Variants in GRM7 observed in about 807,000 individuals in gnomAD.
GRM7 encodes metabotropic glutamate receptor 7.
Under a neutral mutation model 84.5 loss-of-function variants are expected in GRM7, and 35 were observed. The ratio of observed to expected loss-of-function variants is 0.41; its 90% confidence interval spans 0.32 to 0.55. The LOEUF (loss-of-function observed/expected upper bound fraction) is 0.55. GRM7 is among the 20% of genes least tolerant of loss of function. The pLI is 0.19. For synonymous variants in GRM7, 487 were observed against 455.1 expected (o/e 1.07, Z -0.89); for missense variants, 1,003 against 1,194.6 (o/e 0.84, Z 2.36).
intron 8 of GRM7, among the ~76,000 whole-genome samples, chr3:7,597,403 C>T (rs975597573): frequency 3.3e-5 from 5 of 152,088 alleles, no homozygotes; most frequent in African/African-American, 1.2e-4. Context: ...TGGGAGGAGA[C>T]AAATATCCAA....
intron 2 of GRM7, among the ~76,000 whole-genome samples, chr3:7,174,686 G>A (rs1475842593): frequency 1.3e-5 from 2 of 152,174 alleles, no homozygotes; most frequent in Non-Finnish European, 2.9e-5. Context: ...TGGCAAATAG[G>A]AGAGGAGATA....
At position 7,217,810 on chromosome 3, in the gene GRM7, G is replaced by T. The variant is rs1006693634; in HGVS notation, c.736+71142G>T. Reference sequence around the variant, plus strand: ...ATATTGACATAGGGATATGGATATAGATATAGATGTATAGATGTGTGTATA... The same window carrying T: ...ATATTGACATAGGGATATGGATATATATATAGATGTATAGATGTGTGTATA... On this transcript the variant is annotated intron_variant, in intron 2 of 9. Transcript: ENST00000357716. Among the ~76,000 whole-genome samples the T allele has an allele frequency of 5.3e-5, 8 of 151,048 alleles. No individual in the cohort carries two copies. In the East Asian group the frequency reaches 9.7e-4, roughly 18 times the overall value.
intron 4 of GRM7, among the ~76,000 whole-genome samples, chr3:7,321,099 C>T (rs17031855): frequency 1.3e-5 from 2 of 151,794 alleles, no homozygotes; most frequent in Middle Eastern, 3.4e-3. Flanking sequence ...TACAGACATA[C>T]AGTAAAGTCA....
intron 1 of GRM7, among the ~76,000 whole-genome samples, chr3:7,000,957 G>C (rs756520267): frequency 6.6e-6 from 1 of 152,144 alleles, no homozygotes; most frequent in South Asian, 2.1e-4. Flanking sequence ...AACAGGAAAC[G>C]AAGATTGGAA....
chr3:7,208,030 A>T (rs997496859), intron 2 of GRM7, among the ~76,000 whole-genome samples: 1 of 152,192 alleles, frequency 6.6e-6, no homozygotes, highest in Admixed American at 6.5e-5. Flanking sequence ...CTGCCTTAAG[A>T]TTGAATGTGG....
chr3:7,679,183 C>A (rs535005638), intron 8 of GRM7, among the ~76,000 whole-genome samples: 1 of 151,940 alleles, frequency 6.6e-6, no homozygotes, highest in Non-Finnish European at 1.5e-5. Flanking sequence ...ACGTTCCATA[C>A]GTAGGAAAAC....
chr3:7,173,275 TC>T (rs1283854527), intron 2 of GRM7, among the ~76,000 whole-genome samples: 1 of 152,168 alleles, frequency 6.6e-6, no homozygotes, highest in East Asian at 1.9e-4. Flanking sequence ...CTACTTACAA[TC>T]CTGAATTTCA....
intron 7 of GRM7, among the ~76,000 whole-genome samples, chr3:7,492,609 T>C (rs13067657): frequency 1.3e-5 from 2 of 152,166 alleles, no homozygotes; most frequent in Non-Finnish European, 2.9e-5. Context: ...ATGAGTTTTG[T>C]GATAATTCTA....
At chr3:6,913,780 C>A (rs1313161099) in intron 1 of GRM7, among the ~76,000 whole-genome samples, 2 of 152,120 alleles carry the variant, frequency 1.3e-5, no homozygotes, top group South Asian at 4.1e-4. Context: ...CCACCTAACC[C>A]TACTTCTGAT....
chr3:7,660,052 T>C (rs1230770717), intron 8 of GRM7, among the ~76,000 whole-genome samples: 1 of 152,228 alleles, frequency 6.6e-6, no homozygotes, highest in Non-Finnish European at 1.5e-5. Context: ...AATAGGTAGA[T>C]AAAATATAGG....
intron 8 of GRM7, among the ~76,000 whole-genome samples, chr3:7,598,814 A>C (rs1272299149): frequency 6.6e-6 from 1 of 152,186 alleles, no homozygotes; most frequent in Non-Finnish European, 1.5e-5. Context: ...TAGTGAAATA[A>C]TCAGTAATTG....
chr3:7,578,491 C>A lies in GRM7; in HGVS notation c.1585C>A (p.Pro529Thr). 1 of 1,613,804 alleles carries A rather than the reference C, an allele frequency of 6.2e-7. No homozygotes were observed. The change falls in exon 8 of 10, where the codon CCA becomes ACA. Residue 529 changes from proline (P) to threonine (T), a missense_variant. Pro to Thr is a conservative substitution (Grantham distance 38, BLOSUM62 -1). Coordinates refer to ENST00000357716, the MANE Select transcript of GRM7 (RefSeq NM_000844.4). Reference protein sequence around the residue: ...PASVCTLPCKPGQRKKTQKGT... With the variant: ...PASVCTLPCKTGQRKKTQKGT... Reference sequence around the variant, plus strand: ...CTCAGTGTGCACACTACCATGTAAGCCAGGACAGAGAAAGAAGACACAGAA... The same window carrying A: ...CTCAGTGTGCACACTACCATGTAAGACAGGACAGAGAAAGAAGACACAGAA...
intron 1 of GRM7, among the ~76,000 whole-genome samples, chr3:7,033,985 T>C (rs1156976780): frequency 6.6e-6 from 1 of 152,190 alleles, no homozygotes; most frequent in African/African-American, 2.4e-5. Flanking sequence ...TTGCCTGCAG[T>C]TATGCCTAAG....
chr3:7,595,381 C>G (rs1695987767), intron 8 of GRM7, among the ~76,000 whole-genome samples: 1 of 152,118 alleles, frequency 6.6e-6, no homozygotes, highest in African/African-American at 2.4e-5. Flanking sequence ...TGGTTAAACT[C>G]CTTTACAAGG....
At chr3:7,022,082 C>A (rs1695796884) in intron 1 of GRM7, among the ~76,000 whole-genome samples, 1 of 152,098 alleles carries the variant, frequency 6.6e-6, no homozygotes, top group African/African-American at 2.4e-5. Context: ...AATCCCAGCA[C>A]TTTGGGAGCT....
chr3:7,116,057 C>T (rs1364071412), intron 1 of GRM7, among the ~76,000 whole-genome samples: 1 of 152,118 alleles, frequency 6.6e-6, no homozygotes, highest in Non-Finnish European at 1.5e-5. Flanking sequence ...GGAAGATGCT[C>T]TAAATTGGGA....
chr3:6,889,418 T>C (rs1238242629), intron 1 of GRM7, among the ~76,000 whole-genome samples: 2 of 151,928 alleles, frequency 1.3e-5, no homozygotes, highest in African/African-American at 2.4e-5. Context: ...CAATACCTAA[T>C]TTATTGAGAG....
intron 8 of GRM7, among the ~76,000 whole-genome samples, chr3:7,649,271 G>T (rs59094353): frequency 6.6e-6 from 1 of 151,872 alleles, no homozygotes; most frequent in Admixed American, 6.6e-5. Flanking sequence ...GGGTTTCACC[G>T]TGTTAGCCAG....
chr3:6,898,014 T>C (rs1034877887), intron 1 of GRM7, among the ~76,000 whole-genome samples: 6 of 152,142 alleles, frequency 3.9e-5, no homozygotes, highest in African/African-American at 7.2e-5. Flanking sequence ...CTCACTCTTC[T>C]TTCACCTTTT....
Sources: gnomAD v4.1 joint callset for allele counts (sites outside exome capture counted in the v4.1 genomes callset) on GRCh38, gnomAD v4.1.1 for gene constraint, MANE v1.5 for transcripts, NCBI Gene and HGNC (gene_info 2026-07-23, HGNC 2026-07-21) for gene names.